The following MGAT5 variants were observed in gnomAD, a reference collection of about 807,000 sequenced individuals.
MGAT5 encodes the protein alpha-1,6-mannosylglycoprotein 6-beta-N-acetylglucosaminyltransferase A.
Under a neutral mutation model 94.3 loss-of-function variants are expected in MGAT5, and 30 were observed. That is an observed-to-expected ratio of 0.32 (90% CI 0.24 to 0.43). The LOEUF is 0.43. MGAT5 is among the 20% of genes least tolerant of loss of function. The pLI is 1.00. For synonymous variants in MGAT5, 310 were observed against 322.9 expected (o/e 0.96, Z 0.43); for missense variants, 691 against 905.5 (o/e 0.76, Z 3.04).
intron 9 of MGAT5, among the ~76,000 whole-genome samples, chr2:134,351,323 G>A (rs1008185011): frequency 1.3e-5 from 2 of 152,118 alleles, no homozygotes; most frequent in Non-Finnish European, 2.9e-5. Context: ...TTTGAGGGAT[G>A]GGATGAGATG....
At position 134,450,618 on chromosome 2, in the gene MGAT5, T is replaced by G. The variant is rs560717236; in HGVS notation, c.*1771T>G. ...AGGAGGGTGGGGGGCACCCGGGGCCTCCTCCACTCCTTAGGTGGCCCCCAA... is the reference window on the plus strand; with the variant it reads ...AGGAGGGTGGGGGGCACCCGGGGCCGCCTCCACTCCTTAGGTGGCCCCCAA... On this transcript the variant is annotated 3_prime_UTR_variant, in exon 16 of 16. Transcript: ENST00000281923. 1 of 152,316 alleles carries G rather than the reference T, an allele frequency of 6.6e-6. No individual in the cohort carries two copies. The highest frequency in any genetic ancestry group is 2.1e-4 in the South Asian group (1 of 4,830). 9.4% of individuals were successfully genotyped at this position (152,316 alleles called of 1,614,324 possible).
Position 134,264,549 on chromosome 2 carries a change from T to G in MGAT5, c.242-5837T>G, listed in dbSNP as rs528265469. 8.5e-5 allele frequency among the ~76,000 whole-genome samples: 13 copies of G among 152,354 alleles called. No homozygotes were observed. In the South Asian group the frequency reaches 1.7e-3, roughly 19 times the overall value. On this transcript the variant is annotated intron_variant, in intron 1 of 15. Coordinates refer to ENST00000281923, the MANE Select transcript of MGAT5 (RefSeq NM_002410.5). The stretch of plus-strand genomic sequence containing the variant: ...ATTTTGTGTTTGGGTAATTTCCAGT[T>G]CTTATCTGTAATAACGCTATTTTAT...
chr2:134,429,784 C>T (rs992549087), intron 14 of MGAT5, among the ~76,000 whole-genome samples: 3 of 152,168 alleles, frequency 2.0e-5, no homozygotes, highest in Non-Finnish European at 2.9e-5. Flanking sequence ...ACAGTATCAT[C>T]ACAACTCTAG....
chr2:134,448,359 G>C (rs925450134), intron 15 of MGAT5, among the ~76,000 whole-genome samples: 1 of 152,168 alleles, frequency 6.6e-6, no homozygotes, highest in Non-Finnish European at 1.5e-5. Flanking sequence ...TCCCTGCTTG[G>C]TGAGTATTTG....
chr2:134,305,630 A>C (rs1466763607), intron 2 of MGAT5, among the ~76,000 whole-genome samples: 2 of 152,212 alleles, frequency 1.3e-5, no homozygotes, highest in African/African-American at 4.8e-5. Flanking sequence ...AACAGGCAGA[A>C]ATCTATGAAC....
intron 1 of MGAT5, among the ~76,000 whole-genome samples, chr2:134,123,575 T>G (rs1486019830): frequency 6.6e-6 from 1 of 152,096 alleles, no homozygotes; most frequent in Non-Finnish European, 1.5e-5. Context: ...CTAGGAGGCA[T>G]GGAGGAGGAG....
chr2:134,352,727 G>A (rs952272317), intron 9 of MGAT5, among the ~76,000 whole-genome samples: 1 of 152,150 alleles, frequency 6.6e-6, no homozygotes, highest in African/African-American at 2.4e-5. Flanking sequence ...GGAATTCAAA[G>A]TAGGATCTCG....
At chr2:134,355,095 G>C (rs1418856291) in intron 9 of MGAT5, among the ~76,000 whole-genome samples, 2 of 152,154 alleles carry the variant, frequency 1.3e-5, no homozygotes, top group African/African-American at 2.4e-5. Context: ...CAAACAGCCT[G>C]CTGGTCCCTG....
At chr2:134,284,450 C>G (rs1257203) in intron 2 of MGAT5, among the ~76,000 whole-genome samples, 7 of 152,186 alleles carry the variant, frequency 4.6e-5, no homozygotes, top group African/African-American at 9.7e-5. Flanking sequence ...GAAAATATTT[C>G]CTATCTGGCT....
At chr2:134,434,743 T>G (rs997463342) in intron 14 of MGAT5, among the ~76,000 whole-genome samples, 5 of 152,168 alleles carry the variant, frequency 3.3e-5, no homozygotes, top group African/African-American at 1.2e-4. Flanking sequence ...CTACCACCAC[T>G]TTCCCCTTCC....
chr2:134,202,404 A>C (rs1268187068), intron 1 of MGAT5, among the ~76,000 whole-genome samples: 1 of 152,238 alleles, frequency 6.6e-6, no homozygotes, highest in Admixed American at 6.5e-5. Flanking sequence ...GCATCTATGA[A>C]GCAGACAGTA....
intron 1 of MGAT5, among the ~76,000 whole-genome samples, chr2:134,267,758 C>G (rs914751729): frequency 2.0e-5 from 3 of 152,210 alleles, no homozygotes; most frequent in Admixed American, 6.5e-5. Context: ...GGCTCATGTT[C>G]TGTTAGCTCC....
intron 1 of MGAT5, among the ~76,000 whole-genome samples, chr2:134,129,956 G>A (rs754478409): frequency 1.1e-4 from 16 of 152,166 alleles, no homozygotes; most frequent in Non-Finnish European, 1.6e-4. Flanking sequence ...AGGCGCAGGC[G>A]GGAACCAGGG....
intron 1 of MGAT5, among the ~76,000 whole-genome samples, chr2:134,221,735 T>G (rs1680781714): frequency 6.6e-6 from 1 of 152,142 alleles, no homozygotes; most frequent in African/African-American, 2.4e-5. Context: ...ATATACAGCA[T>G]CAAATAAAAC....
At chr2:134,123,694 G>C (rs1685717170) in intron 1 of MGAT5, among the ~76,000 whole-genome samples, 1 of 152,182 alleles carries the variant, frequency 6.6e-6, no homozygotes, top group Non-Finnish European at 1.5e-5. Context: ...AAAGTTTGGG[G>C]AAGGCTCCTG....
At chr2:134,168,651 T>C (rs910404123) in intron 1 of MGAT5, among the ~76,000 whole-genome samples, 1 of 152,194 alleles carries the variant, frequency 6.6e-6, no homozygotes, top group Non-Finnish European at 1.5e-5. Flanking sequence ...ACAAGGAAGA[T>C]TGAAAGACTT....
At chr2:134,401,746 G>A (rs1683066648) in intron 10 of MGAT5, among the ~76,000 whole-genome samples, 1 of 152,162 alleles carries the variant, frequency 6.6e-6, no homozygotes, top group African/African-American at 2.4e-5. Flanking sequence ...CATACATTAG[G>A]GTGGCAAGGG....
At chr2:134,258,926 T>C (rs1210618080) in intron 1 of MGAT5, among the ~76,000 whole-genome samples, 2 of 152,218 alleles carry the variant, frequency 1.3e-5, no homozygotes, top group African/African-American at 4.8e-5. Context: ...CCTGACATTG[T>C]GTGCTTGTTG....
chr2:134,145,913 C>T (rs1456551292), intron 1 of MGAT5, among the ~76,000 whole-genome samples: 1 of 152,190 alleles, frequency 6.6e-6, no homozygotes, highest in African/African-American at 2.4e-5. Context: ...ACATTTCCAC[C>T]CTGCTGGAAA....
Sources: gnomAD v4.1 joint callset for allele counts (sites outside exome capture counted in the v4.1 genomes callset) on GRCh38, gnomAD v4.1.1 for gene constraint, MANE v1.5 for transcripts, NCBI Gene and HGNC (gene_info 2026-07-23, HGNC 2026-07-21) for gene names.